Variants in PCDHA13 observed in about 807,000 individuals in gnomAD.
PCDHA13 encodes the protein protocadherin alpha-13.
Under a neutral mutation model 64.8 loss-of-function variants are expected in PCDHA13, and 54 were observed. That is an observed-to-expected ratio of 0.83 (90% confidence interval 0.67 to 1.04). The LOEUF (loss-of-function observed/expected upper bound fraction) is 1.04, where lower values mean the gene tolerates loss of function less well. Among genes scored for constraint, PCDHA13 ranks in the 50% least tolerant of loss-of-function variants. The pLI, the probability that PCDHA13 is intolerant of heterozygous loss-of-function variation, is 0.00. For synonymous variants in PCDHA13, 587 were observed against 564.4 expected (o/e 1.04, Z -0.57); for missense variants, 1,248 against 1,254.3 (o/e 0.99, Z 0.08).
At chr5:140,900,674 T>C (rs782072148) in intron 1 of PCDHA13, among the ~76,000 whole-genome samples, 11 of 152,230 alleles carry the variant, frequency 7.2e-5, no homozygotes, top group African/African-American at 2.4e-4. Context: ...AGTGCAGTTA[T>C]CTCTTCAATA....
chr5:140,898,004 T>C (rs2066460029), intron 1 of PCDHA13, among the ~76,000 whole-genome samples: 1 of 152,210 alleles, frequency 6.6e-6, no homozygotes, highest in East Asian at 1.9e-4. Context: ...GAAGTGTCTG[T>C]TCATATCCTT....
chr5:140,988,051 T>C (rs903060920), intron 3 of PCDHA13, among the ~76,000 whole-genome samples: 2 of 152,240 alleles, frequency 1.3e-5, no homozygotes, highest in African/African-American at 2.4e-5. Flanking sequence ...TTAGGAGCAC[T>C]GTCAACATGA....
At chr5:140,903,370 G>A (rs1185137848) in intron 1 of PCDHA13, among the ~76,000 whole-genome samples, 8 of 152,136 alleles carry the variant, frequency 5.3e-5, no homozygotes, top group African/African-American at 1.9e-4. Flanking sequence ...AAAAATATAG[G>A]GAGGATTGTG....
intron 3 of PCDHA13, among the ~76,000 whole-genome samples, chr5:140,993,561 T>C (rs1282310511): frequency 6.6e-6 from 1 of 151,800 alleles, no homozygotes; most frequent in Non-Finnish European, 1.5e-5. Flanking sequence ...GTATATAGTA[T>C]CCTTTCTAGG....
At position 141,000,421 on chromosome 5, in the gene PCDHA13, A is replaced by ATTTTTT. The variant is rs34755515; in HGVS notation, c.2543-9188_2543-9183dup. On this transcript the variant is annotated intron_variant, in intron 3 of 3. Coordinates refer to ENST00000289272, the MANE Select transcript of PCDHA13 (RefSeq NM_018904.3). ...TATATATATATATATATATATATAT[A>ATTTTTT]TTTTTTTTTTTTTTTTTTTTTTTGA... 3.2e-4 allele frequency among the ~76,000 whole-genome samples: 9 copies of ATTTTTT among 27,978 alleles called. 1 individual carries two copies. The highest frequency in any genetic ancestry group is 5.3e-4 in the African/African-American group (3 of 5,638). 18.4% of individuals were successfully genotyped at this position (27,978 alleles called of 152,430 possible).
chr5:140,973,894 G>A (rs1161980569), intron 1 of PCDHA13, among the ~76,000 whole-genome samples: 1 of 152,194 alleles, frequency 6.6e-6, no homozygotes, highest in African/African-American at 2.4e-5. Flanking sequence ...ATTTGCAAAT[G>A]TTTGAGGAAA....
chr5:140,890,096 C>T (rs967857035), intron 1 of PCDHA13, among the ~76,000 whole-genome samples: 1 of 152,124 alleles, frequency 6.6e-6, no homozygotes, highest in Non-Finnish European at 1.5e-5. Flanking sequence ...AAATTTATTC[C>T]CAACTCTGGA....
In PCDHA13 at chr5:140,888,751, C is replaced by T. The variant is rs947840835; in HGVS notation, c.2394+4089C>T. On this transcript the variant is annotated intron_variant, in intron 1 of 3. Transcript: ENST00000289272. ...TTGTGAGCTCTAGGAATTATTCTAC[C>T]CACTTTTTTTTTTAATTTTGAAGGG... Among the ~76,000 whole-genome samples, 4 of 151,800 alleles carry T rather than the reference C, an allele frequency of 2.6e-5. No individual in the cohort carries two copies. The South Asian group carries it at 8.3e-4, about 32-fold the overall frequency.
chr5:140,996,587 C>T (rs1260417239), intron 3 of PCDHA13, among the ~76,000 whole-genome samples: 4 of 151,994 alleles, frequency 2.6e-5, no homozygotes, highest in South Asian at 2.1e-4. Context: ...TAACAAGGGC[C>T]GCCTCCCCCC....
chr5:140,941,284 TTCTC>T (rs1234192371), intron 1 of PCDHA13, among the ~76,000 whole-genome samples: 2 of 124,572 alleles, frequency 1.6e-5, no homozygotes, highest in African/African-American at 2.8e-5. Flanking sequence ...CTTCCTTCCT[TTCTC>T]TTTCTTTCTT....
Position 140,883,910 on chromosome 5 carries a change from A to G in PCDHA13, c.1642A>G (p.Asn548Asp). Residue 548 changes from asparagine to aspartate, a missense_variant, in exon 1 of 4, where the codon AAC becomes GAC. Asn to Asp is a conservative substitution (Grantham distance 23). Transcript: ENST00000289272. ...RDSGVPPLGSNVTLQVFVLDE... is the reference protein window; with the variant it reads ...RDSGVPPLGSDVTLQVFVLDE... The stretch of plus-strand genomic sequence containing the variant: ...CTCTGGCGTGCCGCCTCTGGGCAGC[A>G]ACGTGACGCTGCAGGTGTTCGTGCT... 4 of 1,613,424 alleles carry G rather than the reference A, an allele frequency of 2.5e-6. No individual in the cohort carries two copies. Among genetic ancestry groups the G allele is most frequent in the Non-Finnish European group, 3.4e-6 (4 of 1,179,844 alleles).
intron 3 of PCDHA13, among the ~76,000 whole-genome samples, chr5:140,999,225 G>C (rs543011633): frequency 1.3e-5 from 2 of 152,222 alleles, no homozygotes; most frequent in Non-Finnish European, 2.9e-5. Context: ...CTACATTTGA[G>C]AATAGGTGGT....
intron 1 of PCDHA13, among the ~76,000 whole-genome samples, chr5:140,942,596 A>G (rs116159999): frequency 2.2e-4 from 31 of 142,420 alleles, no homozygotes; most frequent in Admixed American, 2.0e-3. Flanking sequence ...ACATATAATT[A>G]TAGTGTTTAT....
intron 1 of PCDHA13, chr5:140,927,278 T>C: frequency 6.2e-7 from 1 of 1,614,094 alleles, no homozygotes; most frequent in Non-Finnish European, 8.5e-7. Flanking sequence ...GCCGGCGACG[T>C]GCAGCTGCAC....
At chr5:140,996,082 T>A (rs782553216) in intron 3 of PCDHA13, among the ~76,000 whole-genome samples, 6 of 152,248 alleles carry the variant, frequency 3.9e-5, no homozygotes, top group Non-Finnish European at 7.3e-5. Context: ...AAGATGTTTT[T>A]GCTAGATTAC....
intron 1 of PCDHA13, among the ~76,000 whole-genome samples, chr5:140,974,580 T>C (rs2153804250): frequency 6.6e-6 from 1 of 152,286 alleles, no homozygotes; most frequent in South Asian, 2.1e-4. Context: ...GGCATGATCT[T>C]GGCTCACTGC....
At chr5:141,007,328 A>G (rs1018961755) in intron 3 of PCDHA13, among the ~76,000 whole-genome samples, 1 of 149,092 alleles carries the variant, frequency 6.7e-6, no homozygotes, top group African/African-American at 2.5e-5. Context: ...AAGTGGACAG[A>G]TTGCCTGAGC....
At chr5:141,007,613 T>C (rs1351675120) in intron 3 of PCDHA13, among the ~76,000 whole-genome samples, 1 of 152,056 alleles carries the variant, frequency 6.6e-6, no homozygotes, top group Non-Finnish European at 1.5e-5. Context: ...GAAGCAGATA[T>C]AGGAGAGGTC....
At chr5:140,900,673 A>T (rs936784929) in intron 1 of PCDHA13, among the ~76,000 whole-genome samples, 6 of 152,210 alleles carry the variant, frequency 3.9e-5, no homozygotes, top group African/African-American at 1.4e-4. Context: ...GAGTGCAGTT[A>T]TCTCTTCAAT....
Sources: allele counts gnomAD v4.1 joint callset (sites outside exome capture counted in the v4.1 genomes callset), GRCh38; gene constraint gnomAD v4.1.1; transcripts MANE v1.5; gene names NCBI Gene and HGNC (gene_info 2026-07-23, HGNC 2026-07-21).